ZNF672: variants seen among roughly 807,000 people sequenced by gnomAD.
ZNF672 encodes hypothetical protein FLJ22301.
For synonymous variants in ZNF672, 358 were observed against 305.6 expected, an observed-to-expected ratio of 1.17 and a Z score of -1.79; for missense variants, 733 against 701.1, an observed-to-expected ratio of 1.05 and a Z score of -0.51.
chr1:248,848,330 C>T lies in ZNF672; in HGVS notation c.1056C>T (p.Ser352=), dbSNP rs758019470. 1 of 1,601,914 alleles carries T rather than the reference C, an allele frequency of 6.2e-7. No individual in the cohort carries two copies. Among genetic ancestry groups the T allele is most frequent in the South Asian group, 1.1e-5 (1 of 91,084 alleles). ...ELCGKRFTCV[S]NLNVHRRNHA... ...GCGGCAAGCGGTTCACGTGCGTGTC[C>T]AATCTCAACGTGCATCGGCGCAACC... is the stretch of plus-strand genomic sequence containing the variant. Residue 352 remains serine (S), a synonymous_variant, in exon 4 of 4, where the codon TCC becomes TCT. Coordinates refer to ENST00000306562, the MANE Select transcript of ZNF672 (RefSeq NM_024836.3).
chr1:248,847,551 C>G lies in ZNF672; in HGVS notation c.277C>G (p.Arg93Gly). Residue 93 changes from arginine to glycine, a missense_variant, in exon 4 of 4, where the codon CGG (arginine) becomes GGG (glycine). Arg to Gly is a moderately radical substitution (Grantham distance 125). Transcript: ENST00000306562. ...TCTTGACCTACACTTGGGCGCACAC[C>G]GGCAGCGATGCCGCACTTGCCCCTG... is the stretch of plus-strand genomic sequence containing the variant. Reference protein sequence around the residue: ...GRLDLHLGAHRQRCRTCPCRT... With the variant: ...GRLDLHLGAHGQRCRTCPCRT... The G allele has an allele frequency of 1.3e-6, 2 of 1,587,170 alleles. No homozygotes were observed. Among genetic ancestry groups the G allele is most frequent in the Non-Finnish European group, 1.7e-6 (2 of 1,169,126 alleles).
Position 248,849,229 on chromosome 1 carries a change from G to C in ZNF672, c.*596G>C. 1 of 401,544 alleles carries C rather than the reference G, an allele frequency of 2.5e-6. No homozygotes were observed. The highest frequency in any genetic ancestry group is 5.1e-6 in the Non-Finnish European group (1 of 196,152). The allele number at this position is 401,544 out of a possible 1,614,324, so 24.9% of individuals were successfully genotyped here. A position where few individuals can be genotyped will look rare whatever the true frequency, so the allele number is the denominator to read the frequency against. ...TAGGAGCTGCCTGCACCCTGGCAGA[G>C]GTGGCCAGTCACGTGAAGGTGGGCA... On this transcript the variant is annotated 3_prime_UTR_variant, in exon 4 of 4. Transcript: ENST00000306562.
rs1356500167 is a variant in ZNF672, at chr1:248,848,838, G to C, written c.*205G>C. The C allele has an allele frequency of 1.1e-5, 9 of 799,966 alleles. No homozygotes were observed. Among genetic ancestry groups the C allele is most frequent in the Non-Finnish European group, 1.9e-5 (9 of 461,972 alleles). 49.6% of individuals were successfully genotyped at this position (799,966 alleles called of 1,614,324 possible). A position where few individuals can be genotyped will look rare whatever the true frequency, so the allele number is the denominator to read the frequency against. On this transcript the variant is annotated 3_prime_UTR_variant, in exon 4 of 4. Coordinates refer to ENST00000306562, the MANE Select transcript of ZNF672 (RefSeq NM_024836.3). ...ACCCTGTCGGCCCTTTTGCCATGCT[G>C]TCCTCGTATAACTCGGATTCTCTCC...
intron 1 of ZNF672, among the ~76,000 whole-genome samples, chr1:248,839,874 G>C (rs114981041): frequency 6.7e-6 from 1 of 149,582 alleles, no homozygotes; most frequent in East Asian, 2.0e-4. Flanking sequence ...CAGTAGCTGA[G>C]ACTACAGACG....
Position 248,847,509 on chromosome 1 carries a change from T to C in ZNF672, c.235T>C (p.Phe79Leu). Reference protein sequence around the residue: ...LYICSECGQSFRHSGRLDLHL... With the variant: ...LYICSECGQSLRHSGRLDLHL... ...CATCTGCAGTGAGTGCGGACAAAGCTTCCGCCACAGCGGCCGTCTTGACCT... is the reference window on the plus strand; with the variant it reads ...CATCTGCAGTGAGTGCGGACAAAGCCTCCGCCACAGCGGCCGTCTTGACCT... The change falls in exon 4 of 4, where the codon TTC (phenylalanine) becomes CTC (leucine). Residue 79 changes from phenylalanine (F) to leucine (L), a missense_variant. By Grantham distance (22) the Phe-to-Leu change is conservative. Coordinates refer to ENST00000306562, the MANE Select transcript of ZNF672 (RefSeq NM_024836.3). The C allele has an allele frequency of 6.3e-7, 1 of 1,598,212 alleles. No homozygotes were observed. The highest frequency in any genetic ancestry group is 8.5e-7 in the Non-Finnish European group (1 of 1,172,972).
intron 1 of ZNF672, among the ~76,000 whole-genome samples, chr1:248,842,012 C>T (rs1157868979): frequency 1.3e-5 from 2 of 152,158 alleles, no homozygotes; most frequent in Admixed American, 6.5e-5. Flanking sequence ...TCCACCAGCT[C>T]CTTAGCTAGA....
chr1:248,849,284 A>G lies in ZNF672; in HGVS notation c.*651A>G. On this transcript the variant is annotated 3_prime_UTR_variant, in exon 4 of 4. Coordinates refer to ENST00000306562, the MANE Select transcript of ZNF672 (RefSeq NM_024836.3). ...CCTTAGCATGGCCACACATGTCCCC[A>G]GGGCAGATCAAGGGGCCTCTCAGAA... 1 of 376,596 alleles carries G rather than the reference A, an allele frequency of 2.7e-6. No homozygotes were observed. The highest frequency in any genetic ancestry group is 2.1e-5 in the South Asian group (1 of 47,656). 23.3% of individuals were successfully genotyped at this position (376,596 alleles called of 1,614,324 possible). A position where few individuals can be genotyped will look rare whatever the true frequency, so the allele number is the denominator to read the frequency against.
At chr1:248,844,215 T>G (rs566429453) in intron 1 of ZNF672, among the ~76,000 whole-genome samples, 1 of 152,358 alleles carries the variant, frequency 6.6e-6, no homozygotes, top group South Asian at 2.1e-4. Context: ...AGTACCTGTT[T>G]TGTTTCGGGT....
Position 248,845,843 on chromosome 1 carries a change from A to G in ZNF672, c.-224+181A>G, listed in dbSNP as rs148222264. ...GTTGAGCGACAAGGGGCTATACTGT[A>G]CTAGCAACTAGACCTAATCTCCAGT... On this transcript the variant is annotated intron_variant, in intron 3 of 3. Transcript: ENST00000306562. Among the ~76,000 whole-genome samples, 1,080 of 152,290 alleles carry G rather than the reference A, an allele frequency of 7.1e-3. 13 individuals are homozygous for G. Among genetic ancestry groups the G allele is most frequent in the African/African-American group, 0.025 (1,039 of 41,556 alleles).
chr1:248,847,145 TGCGGCCTCCCCC>T lies in ZNF672; in HGVS notation c.-129_-118del. ...AGAACCCTGAAATCAGACCAGTTTT[TGCGGCCTCCCCC>T]TTTCCTCTCTGTTACAGTGCCCTTT... On this transcript the variant is annotated 5_prime_UTR_variant, in exon 4 of 4. Transcript: ENST00000306562. 1 of 1,272,866 alleles carries T rather than the reference TGCGGCCTCCCCC, an allele frequency of 7.9e-7. No homozygotes were observed. The highest frequency in any genetic ancestry group is 2.6e-5 in the Admixed American group (1 of 38,180). The allele number at this position is 1,272,866 out of a possible 1,614,324, so 78.8% of individuals were successfully genotyped here. A position where few individuals can be genotyped will look rare whatever the true frequency, so the allele number is the denominator to read the frequency against.
In ZNF672 at chr1:248,847,782, C is replaced by T. The variant is rs1318685181; in HGVS notation, c.508C>T (p.Arg170Ter). Residue 170 changes from arginine to a stop codon, truncating the protein, a stop_gained, in exon 4 of 4, where the codon CGA becomes TGA. Transcript: ENST00000306562. LOFTEE classifies it low-confidence loss of function (END_TRUNC). ...ACCCCACCGCTGCGCGCAGTGCCCGCGAGCCTTCCGAAGCGGCGCCGGGCT... is the reference window on the plus strand; with the variant it reads ...ACCCCACCGCTGCGCGCAGTGCCCGTGAGCCTTCCGAAGCGGCGCCGGGCT... ...APPHRCAQCP[R>*]AFRSGAGLRS... The T allele has an allele frequency of 2.6e-6, 4 of 1,534,360 alleles. No homozygotes were observed. Among genetic ancestry groups the T allele is most frequent in the Non-Finnish European group, 3.5e-6 (4 of 1,143,098 alleles).
Position 248,849,142 on chromosome 1 carries a change from C to T in ZNF672, c.*509C>T, listed in dbSNP as rs778975912. On this transcript the variant is annotated 3_prime_UTR_variant, in exon 4 of 4. Coordinates refer to ENST00000306562, the MANE Select transcript of ZNF672 (RefSeq NM_024836.3). ...TCTTGGTTCCCTGTTAACTCTGTTT[C>T]TGAGAAATGTGGGTATGGAGGTGGG... 8 of 467,748 alleles carry T rather than the reference C, an allele frequency of 1.7e-5. No homozygotes were observed. Among genetic ancestry groups the T allele is most frequent in the Non-Finnish European group, 3.1e-5 (7 of 225,260 alleles). 29.0% of individuals were successfully genotyped at this position (467,748 alleles called of 1,614,324 possible).
chr1:248,848,664 G>A lies in ZNF672; in HGVS notation c.*31G>A, dbSNP rs1222169308. 1 of 1,537,656 alleles carries A rather than the reference G, an allele frequency of 6.5e-7. No individual in the cohort carries two copies. The highest frequency in any genetic ancestry group is 2.0e-5 in the Admixed American group (1 of 49,548). ...GGAGGCTTGCTGAGGCTTCTCTAAAGGTGGTTGGGCAAGCACCTATATAGT... is the reference window on the plus strand; with the variant it reads ...GGAGGCTTGCTGAGGCTTCTCTAAAAGTGGTTGGGCAAGCACCTATATAGT... On this transcript the variant is annotated 3_prime_UTR_variant, in exon 4 of 4. Transcript: ENST00000306562.
chr1:248,847,445 C>A lies in ZNF672; in HGVS notation c.171C>A (p.Leu57=). 2 of 1,591,176 alleles carry A rather than the reference C, an allele frequency of 1.3e-6. No individual in the cohort carries two copies. The highest frequency in any genetic ancestry group is 1.7e-6 in the Non-Finnish European group (2 of 1,168,830). The change falls in exon 4 of 4, where the codon CTC becomes CTA. Residue 57 remains leucine (L), a synonymous_variant. Transcript: ENST00000306562. ...CGERCARAAD[L]RAHRRTHAGQ... is the part of the protein sequence containing the mutation. ...AGCGCTGTGCACGGGCTGCTGACCT[C>A]CGAGCGCACAGGCGCACGCATGCTG...
chr1:248,848,458 C>T lies in ZNF672; in HGVS notation c.1184C>T (p.Ala395Val), dbSNP rs1229915186. The part of the protein sequence containing the change: ...HRKTHLGERP[A>V]ECAECGKCFS... ...AAGACGCACCTGGGCGAACGGCCAG[C>T]GGAGTGCGCAGAGTGCGGCAAGTGC... is the stretch of plus-strand genomic sequence containing the variant. The change falls in exon 4 of 4, where the codon GCG becomes GTG. Residue 395 changes from alanine (A) to valine (V), a missense_variant. Physicochemically the swap from Ala to Val is moderately conservative, Grantham distance 64 (BLOSUM62 0). Coordinates refer to ENST00000306562, the MANE Select transcript of ZNF672 (RefSeq NM_024836.3). 11 of 1,607,352 alleles carry T rather than the reference C, an allele frequency of 6.8e-6. No homozygotes were observed. The African/African-American group carries it at 1.5e-4, about 21-fold the overall frequency.
At chr1:248,846,251 A>G (rs900345921) in intron 3 of ZNF672, among the ~76,000 whole-genome samples, 4 of 152,246 alleles carry the variant, frequency 2.6e-5, no homozygotes, top group African/African-American at 9.6e-5. Flanking sequence ...TATAGAATGG[A>G]TGCCCCTTGA....
chr1:248,846,763 G>C (rs1431556781), intron 3 of ZNF672, among the ~76,000 whole-genome samples: 2 of 152,170 alleles, frequency 1.3e-5, no homozygotes, highest in African/African-American at 4.8e-5. Context: ...CAGGCTTGGC[G>C]TTCCTTTCCC....
At chr1:248,840,778 TGG>T (rs1360118626) in intron 1 of ZNF672, among the ~76,000 whole-genome samples, 6 of 151,556 alleles carry the variant, frequency 4.0e-5, no homozygotes, top group Non-Finnish European at 5.9e-5. Flanking sequence ...GTATGTGCAG[TGG>T]GCAGTGCCGT....
In ZNF672 at chr1:248,848,573, C is replaced by A; in HGVS notation, c.1299C>A (p.Gly433=). 6.3e-7 allele frequency: 1 copy of A among 1,596,562 alleles called. No homozygotes were observed. Among genetic ancestry groups the A allele is most frequent in the Middle Eastern group, 2.0e-4 (1 of 5,108 alleles). The change falls in exon 4 of 4, where the codon GGC becomes GGA. Residue 433 remains glycine, a synonymous_variant. Transcript: ENST00000306562. ...AAAVAIQSAV[G]TALVFEGPAE... ...CCGTTGCCATCCAGTCCGCAGTGGG[C>A]ACTGCCCTCGTCTTTGAGGGGCCGG...
Sources: gnomAD v4.1 joint callset for allele counts (sites outside exome capture counted in the v4.1 genomes callset) on GRCh38, gnomAD v4.1.1 for gene constraint, MANE v1.5 for transcripts, NCBI Gene and HGNC (gene_info 2026-07-23, HGNC 2026-07-21) for gene names.